Variants in GPHN observed in about 807,000 individuals in gnomAD.
The protein encoded by GPHN is gephyrin.
GPHN carries 17 observed loss-of-function variants against 95.5 expected under a neutral mutation model. The ratio of observed to expected loss-of-function variants is 0.18; its 90% CI spans 0.12 to 0.27. The LOEUF (loss-of-function observed/expected upper bound fraction) is 0.27, where lower values mean the gene tolerates loss of function less well. Ranked by LOEUF, GPHN falls within the 10% of genes least tolerant of loss-of-function variation. The probability of loss-of-function intolerance (pLI) is 1.00; values close to 1 mark genes in which losing one functional copy is unlikely to be tolerated. For synonymous variants in GPHN, 320 were observed against 322.5 expected (o/e 0.99, Z 0.08); for missense variants, 660 against 978.1 (o/e 0.67, Z 4.34).
At chr14:66,798,545 T>C (rs1050522739) in intron 3 of GPHN, among the ~76,000 whole-genome samples, 1 of 151,964 alleles carries the variant, frequency 6.6e-6, no homozygotes, top group Non-Finnish European at 1.5e-5. Context: ...TGTTAGGTTA[T>C]ACATATCTAG....
chr14:67,164,855 C>A (rs1261557191), intron 19 of GPHN, among the ~76,000 whole-genome samples: 9 of 150,714 alleles, frequency 6.0e-5, no homozygotes, highest in Non-Finnish European at 1.2e-4. Flanking sequence ...ACATTATTAA[C>A]TAGAGGGGTG....
At chr14:67,361,422 C>T in the GPHN span, among the ~76,000 whole-genome samples, 1 of 152,188 alleles carries the variant, frequency 6.6e-6, no homozygotes, top group Non-Finnish European at 1.5e-5. Flanking sequence ...TCGGTGATAA[C>T]TTTCTTTTTC....
At chr14:67,578,774 C>T in the GPHN span, 5 of 676,048 alleles carry the variant, frequency 7.4e-6, no homozygotes, top group South Asian at 3.3e-5. This position sits in a 1 kb window ranked among gnomAD's most constrained non-coding sequence, Gnocchi z 5.0. Context: ...CACCCATTGC[C>T]GTGTGCACAA....
chr14:66,648,742 ACACT>A (rs1322699316), intron 1 of GPHN, among the ~76,000 whole-genome samples: 3 of 152,342 alleles, frequency 2.0e-5, no homozygotes, highest in East Asian at 1.9e-4. Flanking sequence ...TGTATAAGAA[ACACT>A]CAATAAATAA....
intron 1 of GPHN, among the ~76,000 whole-genome samples, chr14:66,677,629 A>G (rs1442445254): frequency 6.6e-6 from 1 of 151,892 alleles, no homozygotes; most frequent in East Asian, 1.9e-4. Context: ...TTACTCCATT[A>G]TGGTTTGAGA....
intron 1 of GPHN, among the ~76,000 whole-genome samples, chr14:66,520,322 C>T (rs1282441662): frequency 1.3e-5 from 2 of 151,962 alleles, no homozygotes; most frequent in East Asian, 3.9e-4. Context: ...ATATTCCCAC[C>T]TTCATTGGGT....
the GPHN span, chr14:67,204,904 ATCACAGATG>A: frequency 8.3e-4 from 1,344 of 1,614,020 alleles, 9 homozygotes; most frequent in African/African-American, 0.016. Context: ...CATCACCGAC[ATCACAGATG>A]TCACAGATCT....
chr14:67,383,170 C>A, the GPHN span: 1 of 828,102 alleles, frequency 1.2e-6, no homozygotes, highest in Non-Finnish European at 1.8e-6. Context: ...GAATTTATTG[C>A]TGATAAGTCA....
rs181363224 is a variant in GPHN, at chr14:66,968,030, A to G, written c.963+2705A>G. ...CAGTGATGTCAACAGCCAATTTCAA[A>G]TATCTGTTCTTTTTTATTTAAAATA... On this transcript the variant is annotated intron_variant, in intron 9 of 22. Transcript: ENST00000478722. Among the ~76,000 whole-genome samples, 5 of 152,132 alleles carry G rather than the reference A, an allele frequency of 3.3e-5. No homozygotes were observed. In the East Asian group the frequency reaches 5.8e-4, roughly 18 times the overall value.
chr14:66,874,222 G>T (rs140272871), intron 4 of GPHN, among the ~76,000 whole-genome samples: 1 of 152,212 alleles, frequency 6.6e-6, no homozygotes, highest in African/African-American at 2.4e-5. Flanking sequence ...TCAACAAAAA[G>T]GATTTCCACA....
At chr14:67,489,196 C>T in the GPHN span, among the ~76,000 whole-genome samples, 1 of 152,296 alleles carries the variant, frequency 6.6e-6, no homozygotes, top group African/African-American at 2.4e-5. Flanking sequence ...ATGGTCACCT[C>T]TATTTTAGAA....
chr14:66,642,851 A>G (rs2064503803), intron 1 of GPHN, among the ~76,000 whole-genome samples: 1 of 152,070 alleles, frequency 6.6e-6, no homozygotes, highest in African/African-American at 2.4e-5. Context: ...TAGGTACATC[A>G]TAGATCCAAC....
chr14:67,561,528 C>T, the GPHN span, among the ~76,000 whole-genome samples: 1 of 152,020 alleles, frequency 6.6e-6, no homozygotes, highest in African/African-American at 2.4e-5. Context: ...TGCACCACTG[C>T]ACTCCAGCCT....
chr14:66,647,115 A>C (rs1265997550), intron 1 of GPHN, among the ~76,000 whole-genome samples: 1 of 149,906 alleles, frequency 6.7e-6, no homozygotes, highest in Non-Finnish European at 1.5e-5. Context: ...TATGTTGCCC[A>C]GGCTGGTCTT....
intron 1 of GPHN, among the ~76,000 whole-genome samples, chr14:66,540,116 G>C (rs2059302917): frequency 6.6e-6 from 1 of 152,156 alleles, no homozygotes; most frequent in South Asian, 2.1e-4. Context: ...TTTTGCTCTT[G>C]CTTCATGTTG....
chr14:66,687,600 C>G (rs1203300480), intron 2 of GPHN, among the ~76,000 whole-genome samples: 3 of 151,298 alleles, frequency 2.0e-5, no homozygotes, highest in African/African-American at 7.3e-5. Flanking sequence ...AGCGGTTCTC[C>G]TGCCTCAGCC....
At chr14:67,300,934 C>T in the GPHN span, among the ~76,000 whole-genome samples, 7 of 151,612 alleles carry the variant, frequency 4.6e-5, no homozygotes, top group East Asian at 1.9e-4. Context: ...TTAAGCAATC[C>T]GCTTGCCTCA....
rs534360121 is a variant in GPHN, at chr14:67,165,159, T to C, written c.1911-3T>C. ...CTAACAAGTGACTCTTTTTTTCTTC[T>C]AGCTTGCCAACAACATTTGCAACTT... On this transcript the variant is annotated splice_polypyrimidine_tract_variant and splice_region_variant and intron_variant, in intron 19 of 22. Transcript: ENST00000478722. 2.5e-6 allele frequency: 4 copies of C among 1,603,702 alleles called. No homozygotes were observed. In the East Asian group the frequency reaches 8.9e-5, roughly 36 times the overall value.
chr14:67,229,916 T>C, the GPHN span, among the ~76,000 whole-genome samples: 1 of 152,094 alleles, frequency 6.6e-6, no homozygotes, highest in Non-Finnish European at 1.5e-5. Flanking sequence ...TTCCTCCTCC[T>C]CCTCTCCCTG....
Sources: allele counts gnomAD v4.1 joint callset (sites outside exome capture counted in the v4.1 genomes callset), GRCh38; gene constraint gnomAD v4.1.1; non-coding constraint Gnocchi (gnomAD v3.1); transcripts MANE v1.5; gene names NCBI Gene and HGNC (gene_info 2026-07-23, HGNC 2026-07-21).